The following THOC3 variants were observed in gnomAD, a reference collection of about 807,000 sequenced individuals.
THOC3 encodes the protein TEX1 homolog.
Under a neutral mutation model 23.3 loss-of-function variants are expected in THOC3, and 4 were observed. The ratio of observed to expected loss-of-function variants is 0.17; its 90% CI spans 0.08 to 0.39. The LOEUF is 0.39. Ranked by LOEUF, THOC3 falls within the 10% of genes least tolerant of loss-of-function variation. THOC3 has a pLI of 1.00. For synonymous variants in THOC3, 27 were observed against 141.5 expected, an observed-to-expected ratio of 0.19 and a Z score of 5.74; for missense variants, 64 against 359.4, an observed-to-expected ratio of 0.18 and a Z score of 6.65.
rs1486872999 is a variant in THOC3 at position 175,964,885 on chromosome 5, CATCTCCAT to C, written c.629+58_629+65del. 1.0e-4 allele frequency: 66 copies of C among 631,580 alleles called. No homozygotes were observed. In the Admixed American group the frequency reaches 1.3e-3, roughly 13 times the overall value. The allele number at this position is 631,580 out of a possible 1,614,324, so 39.1% of individuals were successfully genotyped here. On this transcript the variant is annotated intron_variant, in intron 3 of 5. Coordinates refer to ENST00000265097, the MANE Select transcript of THOC3 (RefSeq NM_032361.4). ...CTTCAGGATAGGCTCACATCTAATT[CATCTCCAT>C]ATCTGACACAGCACCCAGCACAAAG...
intron 2 of THOC3, among the ~76,000 whole-genome samples, chr5:175,965,969 A>G (rs1325993208): frequency 6.6e-6 from 1 of 152,290 alleles, no homozygotes; most frequent in Non-Finnish European, 1.5e-5. Context: ...AGGTAGGCAG[A>G]TCACTTGAGT....
rs1756807504 is a variant in THOC3, at chr5:175,967,987, G to A, written c.222C>T (p.Ser74=). The change falls in exon 1 of 6, where the codon TCC becomes TCT. Residue 74 remains serine (S), a synonymous_variant. Coordinates refer to ENST00000265097, the MANE Select transcript of THOC3 (RefSeq NM_032361.4). ...AGAAGACGCTGGCCGTCTTGTCGAA[G>A]GACCCCGAGGCTAGGCGACGCCCGT... ...SCDGRRLASG[S]FDKTASVFLL... The A allele has an allele frequency of 6.2e-7, 1 of 1,604,318 alleles. No individual in the cohort carries two copies. Among genetic ancestry groups the A allele is most frequent in the Non-Finnish European group, 8.5e-7 (1 of 1,176,904 alleles).
intron 3 of THOC3, among the ~76,000 whole-genome samples, chr5:175,963,633 T>C (rs200935567): frequency 0.19 from 25,416 of 131,502 alleles, 1 homozygote; most frequent in East Asian, 0.29. Flanking sequence ...CTGTGTTTTA[T>C]AATAAAAAGA....
At chr5:175,965,216 T>C (rs544903521) in intron 2 of THOC3, 61 bp from the exon 3 acceptor site, 8 of 1,610,628 alleles carry the variant, frequency 5.0e-6, no homozygotes, top group East Asian at 4.5e-5. Context: ...CACAAGTTTA[T>C]TGCACTATCC....
chr5:175,961,645 G>A (rs1467517248), intron 3 of THOC3, among the ~76,000 whole-genome samples: 26 of 151,790 alleles, frequency 1.7e-4, no homozygotes, highest in Non-Finnish European at 2.6e-4. Flanking sequence ...TACCAACATC[G>A]AGACAGAGAC....
chr5:175,962,924 G>T (rs1486801370), intron 3 of THOC3, among the ~76,000 whole-genome samples: 1 of 151,658 alleles, frequency 6.6e-6, no homozygotes, highest in Non-Finnish European at 1.5e-5. Context: ...AACAGAAGAC[G>T]ATGGGATTAT....
chr5:175,962,419 T>TACAC (rs1436194735), intron 3 of THOC3, among the ~76,000 whole-genome samples: 11 of 40,664 alleles, frequency 2.7e-4, no homozygotes, highest in Admixed American at 7.5e-4. Flanking sequence ...TATATATATA[T>TACAC]ATACACACAC....
At chr5:175,962,407 A>AAT (rs201051870) in intron 3 of THOC3, among the ~76,000 whole-genome samples, 9 of 53,118 alleles carry the variant, frequency 1.7e-4, no homozygotes, top group South Asian at 5.4e-4. Context: ...TTTATCTTTA[A>AAT]ATATATATAT....
intron 3 of THOC3, among the ~76,000 whole-genome samples, chr5:175,961,878 G>A (rs1263891088): frequency 6.6e-6 from 1 of 152,070 alleles, no homozygotes; most frequent in South Asian, 2.1e-4. Flanking sequence ...TTAGAAGTAC[G>A]TAAATAAGTT....
chr5:175,960,367 G>T (rs1756639519), intron 5 of THOC3: 1 of 231,630 alleles, frequency 4.3e-6, no homozygotes, highest in Admixed American at 5.3e-5. Flanking sequence ...GAGCAGGAAA[G>T]TGTCTCCGCG....
chr5:175,967,566 C>A lies in THOC3; in HGVS notation c.268-299G>T, dbSNP rs1473515832. The stretch of plus-strand genomic sequence containing the variant: ...ACGTACCACCACCAACGTACCACCA[C>A]CACCACCACCACCACCACCACAGCC... On this transcript the variant is annotated intron_variant, in intron 1 of 5. Coordinates refer to ENST00000265097, the MANE Select transcript of THOC3 (RefSeq NM_032361.4). 30 of 301,092 alleles carry A rather than the reference C, an allele frequency of 1.0e-4. 1 individual carries two copies. Among genetic ancestry groups the A allele is most frequent in the African/African-American group, 3.1e-4 (11 of 35,964 alleles). The allele number at this position is 301,092 out of a possible 1,614,324, so 18.7% of individuals were successfully genotyped here. A position where few individuals can be genotyped will look rare whatever the true frequency, so the allele number is the denominator to read the frequency against.
At chr5:175,962,536 T>C (rs1756683437) in intron 3 of THOC3, among the ~76,000 whole-genome samples, 1 of 147,894 alleles carries the variant, frequency 6.8e-6, no homozygotes, top group Non-Finnish European at 1.5e-5. Context: ...TTTTTTTTTT[T>C]TTTGAGGTGG....
intron 2 of THOC3, among the ~76,000 whole-genome samples, chr5:175,965,853 T>C (rs1157919749): frequency 6.6e-6 from 1 of 152,252 alleles, no homozygotes; most frequent in Non-Finnish European, 1.5e-5. Flanking sequence ...TATACTTTTC[T>C]TTATTCAAGA....
At chr5:175,963,355 CAA>C (rs1332228769) in intron 3 of THOC3, among the ~76,000 whole-genome samples, 1 of 152,112 alleles carries the variant, frequency 6.6e-6, no homozygotes, top group Non-Finnish European at 1.5e-5. Context: ...TTAAGAGATA[CAA>C]AAGACATATC....
chr5:175,963,246 C>T (rs1484049692), intron 3 of THOC3, among the ~76,000 whole-genome samples: 1 of 152,236 alleles, frequency 6.6e-6, no homozygotes, highest in Non-Finnish European at 1.5e-5. Context: ...AACACATAAA[C>T]AGCATATGGA....
At chr5:175,964,056 T>C (rs1289884666) in intron 3 of THOC3, among the ~76,000 whole-genome samples, 2 of 151,718 alleles carry the variant, frequency 1.3e-5, no homozygotes, top group South Asian at 2.1e-4. Flanking sequence ...AAGGCTAGAA[T>C]TGAACAGACC....
chr5:175,961,675 T>C (rs2113050426), intron 3 of THOC3, among the ~76,000 whole-genome samples: 1 of 152,170 alleles, frequency 6.6e-6, no homozygotes, highest in East Asian at 1.9e-4. Context: ...TAGTGGACTT[T>C]AAAGAAAAAG....
At chr5:175,963,476 G>C (rs1399998969) in intron 3 of THOC3, among the ~76,000 whole-genome samples, 2 of 145,552 alleles carry the variant, frequency 1.4e-5, no homozygotes, top group Middle Eastern at 3.6e-3. Context: ...TGCTTTTGTG[G>C]AAGGAAGTTG....
Position 175,962,421 on chromosome 5 carries a change from T to TATACAC in THOC3, c.630-988_630-987insGTGTAT, listed in dbSNP as rs1476116156. On this transcript the variant is annotated intron_variant, in intron 3 of 5. Transcript: ENST00000265097. Reference sequence around the variant, plus strand: ...TTTTATCTTTAAATATATATATATATACACACACACACACACACACACGTA... The same window carrying TATACAC: ...TTTTATCTTTAAATATATATATATATATACACACACACACACACACACACACACGTA... Among the ~76,000 whole-genome samples, 3 of 44,192 alleles carry TATACAC rather than the reference T, an allele frequency of 6.8e-5. 1 individual carries two copies. Among genetic ancestry groups the TATACAC allele is most frequent in the Non-Finnish European group, 1.6e-4 (3 of 19,256 alleles). The allele number at this position is 44,192 out of a possible 152,430, so 29.0% of individuals were successfully genotyped here.
Sources: allele counts gnomAD v4.1 joint callset (sites outside exome capture counted in the v4.1 genomes callset), GRCh38; gene constraint gnomAD v4.1.1; transcripts MANE v1.5; gene names NCBI Gene and HGNC (gene_info 2026-07-23, HGNC 2026-07-21).